FANCA: variants seen among roughly 807,000 people sequenced by gnomAD.
FANCA encodes the protein FA complementation group A.
In FANCA, 236 loss-of-function variants were observed where a neutral mutation model predicts 194.3. The observed-to-expected ratio is 1.21, with a 90% confidence interval of 1.09 to 1.35. The LOEUF (loss-of-function observed/expected upper bound fraction) is 1.35. Among genes scored for constraint, FANCA ranks in the 40% most tolerant of loss-of-function variants. FANCA has a pLI of 0.00. For missense variants in FANCA, 2,628 were observed against 1,813.9 expected (o/e 1.45, Z -8.15); for synonymous variants, 1,014 against 715.8 (o/e 1.42, Z -6.65).
rs371801796 is a variant in FANCA at position 89,760,439 on chromosome 16, G to C, written c.2852+1510C>G. On this transcript the variant is annotated intron_variant, in intron 29 of 42. Transcript: ENST00000389301. ...GCATGTGCCTGGAAGGCCCCTGATGGCCGGAAGGACGAGGAGCACAGGGTG... is the reference window on the plus strand; with the variant it reads ...GCATGTGCCTGGAAGGCCCCTGATGCCCGGAAGGACGAGGAGCACAGGGTG... Among the ~76,000 whole-genome samples the C allele has an allele frequency of 2.0e-5, 3 of 152,190 alleles. No individual in the cohort carries two copies. In the East Asian group the frequency reaches 5.8e-4, roughly 29 times the overall value.
rs1429369721 is a variant in FANCA, at chr16:89,784,960, G to T, written c.1364C>A (p.Ser455Tyr). 6.2e-7 allele frequency: 1 copy of T among 1,613,216 alleles called. No individual in the cohort carries two copies. The highest frequency in any genetic ancestry group is 8.5e-7 in the Non-Finnish European group (1 of 1,179,370). Reference protein sequence around the residue: ...FLSYADWFKASFGSTRGYHGC... With the variant: ...FLSYADWFKAYFGSTRGYHGC... ...ATGGTAGCCTCGTGTGCTCCCAAAG[G>T]AGGCCTGTGTGGAGAGAAGAGCGTG... Residue 455 changes from serine to tyrosine, a missense_variant, in exon 15 of 43, where the codon TCC becomes TAC. Ser to Tyr is a moderately radical substitution (Grantham distance 144). Transcript: ENST00000389301.
At chr16:89,793,455 C>T (rs930768301) in intron 11 of FANCA, among the ~76,000 whole-genome samples, 1 of 152,200 alleles carries the variant, frequency 6.6e-6, no homozygotes, top group Non-Finnish European at 1.5e-5. Context: ...ACAGTAATTA[C>T]TACCAACTAA....
At chr16:89,746,782 C>A (rs2143108190) in intron 34 of FANCA, 49 bp downstream of exon 34, 1 of 1,583,358 alleles carries the variant, frequency 6.3e-7, no homozygotes, top group Non-Finnish European at 8.6e-7. Context: ...GGAGGATCCA[C>A]CCACGGCGTT....
At chr16:89,783,660 G>T (rs1380273025) in intron 15 of FANCA, among the ~76,000 whole-genome samples, 3 of 152,204 alleles carry the variant, frequency 2.0e-5, no homozygotes, top group Non-Finnish European at 4.4e-5. Context: ...GCTCACTGGG[G>T]GAACCAGGGA....
chr16:89,816,390 C>T (rs991137651), intron 1 of FANCA, 147 bp downstream of exon 1: 3 of 585,902 alleles, frequency 5.1e-6, no homozygotes, highest in African/African-American at 4.0e-5. Flanking sequence ...CGCGCCGCCC[C>T]AGCCGGGCGC....
At position 89,737,648 on chromosome 16, in the gene FANCA, A is replaced by G. The variant is rs2151706810; in HGVS notation, c.*953T>C. On this transcript the variant is annotated 3_prime_UTR_variant, in exon 43 of 43. Transcript: ENST00000389301. ...TGTATAAAGCAGTTTAAAGATCTTA[A>G]TAAACGAGGCCCTCATAGGCCCCTT... 1 of 1,409,198 alleles carries G rather than the reference A, an allele frequency of 7.1e-7. No homozygotes were observed. Among genetic ancestry groups the G allele is most frequent in the Non-Finnish European group, 9.4e-7 (1 of 1,062,234 alleles). The allele number at this position is 1,409,198 out of a possible 1,614,324, so 87.3% of individuals were successfully genotyped here.
At position 89,756,366 on chromosome 16, in the gene FANCA, C is replaced by T. The variant is rs947246241; in HGVS notation, c.2981+2211G>A. Among the ~76,000 whole-genome samples, 6 of 152,240 alleles carry T rather than the reference C, an allele frequency of 3.9e-5. No homozygotes were observed. In the East Asian group the frequency reaches 7.7e-4, roughly 20 times the overall value. Reference sequence around the variant, plus strand: ...TCAAGTCAGGCCTGGCAGAGGTTCACGCCTGTAATCCCAGCACTTTGGGAG... The same window carrying T: ...TCAAGTCAGGCCTGGCAGAGGTTCATGCCTGTAATCCCAGCACTTTGGGAG... On this transcript the variant is annotated intron_variant, in intron 30 of 42. Transcript: ENST00000389301.
intron 37 of FANCA, among the ~76,000 whole-genome samples, chr16:89,742,465 T>A (rs1037352724): frequency 6.6e-6 from 1 of 151,930 alleles, no homozygotes. Context: ...CATACAACCA[T>A]TTAAAAAACT....
chr16:89,767,140 C>T lies in FANCA; in HGVS notation c.2601+1G>A. Reference sequence around the variant, plus strand: ...GAAAAATAGGAAAAGAGTGAACCTACCTTTTTAATAAGGCCTGGAGATAAG... The same window carrying T: ...GAAAAATAGGAAAAGAGTGAACCTATCTTTTTAATAAGGCCTGGAGATAAG... On this transcript the variant is annotated splice_donor_variant, in intron 27 of 42. Transcript: ENST00000389301. LOFTEE classifies it high-confidence loss of function. 1 of 1,606,770 alleles carries T rather than the reference C, an allele frequency of 6.2e-7. No individual in the cohort carries two copies. The highest frequency in any genetic ancestry group is 8.5e-7 in the Non-Finnish European group (1 of 1,173,406).
intron 16 of FANCA, 32 bp downstream of exon 16, chr16:89,782,975 G>A (rs755172085): frequency 7.4e-6 from 12 of 1,611,308 alleles, no homozygotes; most frequent in Non-Finnish European, 1.0e-5. Flanking sequence ...GCTGGGACAG[G>A]TGTGAGGAGT....
chr16:89,808,426 T>A, intron 5 of FANCA, 59 bp from the exon 6 acceptor site: 1 of 1,533,466 alleles, frequency 6.5e-7, no homozygotes, highest in Admixed American at 1.7e-5. Context: ...GCATTCTGAG[T>A]CCTTTATGAA....
At position 89,738,978 on chromosome 16, in the gene FANCA, G is replaced by C. The variant is rs775180524; in HGVS notation, c.4168-4C>G. On this transcript the variant is annotated splice_polypyrimidine_tract_variant and splice_region_variant and intron_variant, in intron 41 of 42. Transcript: ENST00000389301. ...TTATCAGTTCCACGGGGTTGCCCTA[G>C]AGAGAAAACAGGCAAACTCACAGGT... 3 of 1,614,078 alleles carry C rather than the reference G, an allele frequency of 1.9e-6. No individual in the cohort carries two copies. The highest frequency in any genetic ancestry group is 1.7e-6 in the Non-Finnish European group (2 of 1,180,032).
intron 30 of FANCA, among the ~76,000 whole-genome samples, chr16:89,755,767 A>C (rs1354063421): frequency 6.6e-6 from 1 of 152,232 alleles, no homozygotes; most frequent in Non-Finnish European, 1.5e-5. Context: ...ATCCATTCTG[A>C]GAAACACATC....
In FANCA at chr16:89,739,982, CGT is replaced by C. The variant is rs1491270557; in HGVS notation, c.3934+10_3934+11del. 19 of 1,613,658 alleles carry C rather than the reference CGT, an allele frequency of 1.2e-5. No homozygotes were observed. In the Admixed American group the frequency reaches 3.2e-4, roughly 27 times the overall value. ...GCCCTCCGCATTTGTGCCTCAGCAGCGTGTTTCTTACCACTCTCTGTCAACTG... is the reference window on the plus strand; with the variant it reads ...GCCCTCCGCATTTGTGCCTCAGCAGCGTTTCTTACCACTCTCTGTCAACTG... On this transcript the variant is annotated intron_variant, in intron 39 of 42. Coordinates refer to ENST00000389301, the MANE Select transcript of FANCA (RefSeq NM_000135.4).
intron 10 of FANCA, among the ~76,000 whole-genome samples, 167 bp from the exon 11 acceptor site, chr16:89,796,185 G>C (rs1049136646): frequency 2.0e-5 from 3 of 152,202 alleles, no homozygotes; most frequent in Non-Finnish European, 2.9e-5. Flanking sequence ...CCAAGGAGGT[G>C]GCAGTTCAAC....
chr16:89,741,847 A>G (rs2062141128), intron 37 of FANCA, among the ~76,000 whole-genome samples: 1 of 152,218 alleles, frequency 6.6e-6, no homozygotes, highest in Admixed American at 6.5e-5. Context: ...CACAGAAGGC[A>G]CCACTTGAAG....
In FANCA at chr16:89,738,449, G is replaced by A; in HGVS notation, c.*152C>T. ...TTTCCCGCAAACGCTGAGTGACTCG[G>A]GGCCGGACAGTTCATAAATAATTGA... On this transcript the variant is annotated 3_prime_UTR_variant, in exon 43 of 43. Transcript: ENST00000389301. The A allele has an allele frequency of 2.1e-6, 3 of 1,397,968 alleles. No individual in the cohort carries two copies. Among genetic ancestry groups the A allele is most frequent in the Non-Finnish European group, 2.9e-6 (3 of 1,018,764 alleles). 86.6% of individuals were successfully genotyped at this position (1,397,968 alleles called of 1,614,324 possible). A position where few individuals can be genotyped will look rare whatever the true frequency, so the allele number is the denominator to read the frequency against.
chr16:89,757,699 G>A (rs1465322048), intron 30 of FANCA, among the ~76,000 whole-genome samples: 1 of 152,096 alleles, frequency 6.6e-6, no homozygotes, highest in African/African-American at 2.4e-5. Flanking sequence ...GACAGCCCCA[G>A]GTACACTCCG....
chr16:89,787,472 G>C (rs1371525960), intron 14 of FANCA, among the ~76,000 whole-genome samples: 1 of 152,012 alleles, frequency 6.6e-6, no homozygotes, highest in Non-Finnish European at 1.5e-5. Context: ...GTGAGCCAAG[G>C]TCGCACCACT....
Sources: allele counts gnomAD v4.1 joint callset (sites outside exome capture counted in the v4.1 genomes callset), GRCh38; gene constraint gnomAD v4.1.1; transcripts MANE v1.5; gene names NCBI Gene and HGNC (gene_info 2026-07-23, HGNC 2026-07-21).